Variants in HNF4A observed in about 807,000 individuals in gnomAD.
The protein encoded by HNF4A is hepatocyte nuclear factor 4-alpha.
In HNF4A, 15 loss-of-function variants were observed where a neutral mutation model predicts 52.4. That is an observed-to-expected ratio of 0.29 (90% CI 0.19 to 0.44). The LOEUF (loss-of-function observed/expected upper bound fraction) is 0.44. Ranked by LOEUF, HNF4A falls within the 20% of genes least tolerant of loss-of-function variation. The pLI, the probability that HNF4A is intolerant of heterozygous loss-of-function variation, is 1.00. For synonymous variants in HNF4A, 280 were observed against 264.4 expected (o/e 1.06, Z -0.57); for missense variants, 479 against 647.2 (o/e 0.74, Z 2.82).
chr20:44,373,991 TAATTAAACTTTTATTTTA>T (rs2063059766), intron 1 of HNF4A, among the ~76,000 whole-genome samples: 1 of 152,074 alleles, frequency 6.6e-6, no homozygotes. Context: ...CACCAGGCCT[TAATTAAACTTTTATTTTA>T]GATTCAGGGG....
At chr20:44,388,381 A>ACCCCCCCCCACC (rs1227407354) in intron 1 of HNF4A, among the ~76,000 whole-genome samples, 1 of 76,224 alleles carries the variant, frequency 1.3e-5, no homozygotes, top group African/African-American at 9.6e-5. Context: ...GACCCCCCCC[A>ACCCCCCCCCACC]CCCCCGTACA....
chr20:44,415,703 G>A (rs776419427), intron 5 of HNF4A, among the ~76,000 whole-genome samples: 6 of 152,330 alleles, frequency 3.9e-5, no homozygotes, highest in South Asian at 2.1e-4. Context: ...TGCAGAGGCC[G>A]AGGCTTCTCA....
intron 1 of HNF4A, among the ~76,000 whole-genome samples, chr20:44,376,535 A>G (rs1011056020): frequency 1.3e-5 from 2 of 152,128 alleles, no homozygotes; most frequent in Non-Finnish European, 2.9e-5. Context: ...ATCTTACTAC[A>G]TGACCATGTT....
At chr20:44,369,071 C>A (rs2063002863) in intron 1 of HNF4A, among the ~76,000 whole-genome samples, 1 of 121,328 alleles carries the variant, frequency 8.2e-6, no homozygotes, top group South Asian at 2.5e-4. Context: ...CATGGTGAAA[C>A]CCTGTCTCTA....
At chr20:44,379,219 G>C (rs6017334) in intron 1 of HNF4A, among the ~76,000 whole-genome samples, 1,824 of 152,220 alleles carry the variant, frequency 0.012, 36 homozygotes, top group African/African-American at 0.041. Flanking sequence ...TGGGTTGCCT[G>C]TACCTTTTGG....
chr20:44,401,235 C>T, upstream of HNF4A: 1 of 1,542,802 alleles, frequency 6.5e-7, no homozygotes, highest in Non-Finnish European at 8.7e-7. Context: ...CCAAGACTCC[C>T]AGCAGATCTT....
intron 1 of HNF4A, among the ~76,000 whole-genome samples, chr20:44,382,473 G>A (rs1035322639): frequency 1.3e-5 from 2 of 152,016 alleles, no homozygotes; most frequent in Admixed American, 6.6e-5. Flanking sequence ...TCTTGACCTC[G>A]TGATCCGCCC....
chr20:44,428,550 G>A, intron 9 of HNF4A, 63 bp downstream of exon 9: 1 of 1,500,330 alleles, frequency 6.7e-7, no homozygotes, highest in East Asian at 2.3e-5. Flanking sequence ...CAGGAGGCAG[G>A]AGAAAGTGGA....
At chr20:44,424,986 T>C (rs1014643195) in intron 8 of HNF4A, among the ~76,000 whole-genome samples, 1 of 152,198 alleles carries the variant, frequency 6.6e-6, no homozygotes, top group Non-Finnish European at 1.5e-5. Context: ...CCAGACTAAG[T>C]ATTTTTATTC....
chr20:44,416,643 G>A lies in HNF4A; in HGVS notation c.649-1782G>A, dbSNP rs180750923. 8.5e-5 allele frequency among the ~76,000 whole-genome samples: 13 copies of A among 152,354 alleles called. No individual in the cohort carries two copies. In the East Asian group the frequency reaches 2.3e-3, roughly 27 times the overall value. ...GTTTCTATCCATGGGGAATAGAAGG[G>A]GCAAGGACAAGTGGCTGCCCAGGAG... On this transcript the variant is annotated intron_variant, in intron 5 of 9. Coordinates refer to ENST00000316099, the MANE Select transcript of HNF4A (RefSeq NM_000457.6).
chr20:44,417,025 G>A (rs899727804), intron 5 of HNF4A, among the ~76,000 whole-genome samples: 8 of 152,152 alleles, frequency 5.3e-5, no homozygotes, highest in Middle Eastern at 6.8e-3. Flanking sequence ...ATGTTAGTTC[G>A]ATGAGATTAG....
Position 44,367,400 on chromosome 20 carries a change from C to CT in HNF4A, c.49+11550dup, listed in dbSNP as rs572650401. 3.3e-5 allele frequency among the ~76,000 whole-genome samples: 5 copies of CT among 151,304 alleles called. No individual in the cohort carries two copies. In the South Asian group the frequency reaches 1.0e-3, roughly 32 times the overall value. On this transcript the variant is annotated intron_variant, in intron 1 of 9. Coordinates refer to the HNF4A transcript ENST00000316673. ...GTGGCTAACACCTGTAATCCCAGCA[C>CT]TTTGAGAGGCCGAGGCAGACAGATC...
chr20:44,416,857 A>G (rs2063672632), intron 5 of HNF4A, among the ~76,000 whole-genome samples: 1 of 151,966 alleles, frequency 6.6e-6, no homozygotes, highest in African/African-American at 2.4e-5. Context: ...TAACGTAGCC[A>G]TTCTTGCCCC....
At position 44,419,873 on chromosome 20, in the gene HNF4A, C is replaced by T; in HGVS notation, c.889C>T (p.Pro297Ser). The change falls in exon 7 of 10, where the codon CCA becomes TCA. Residue 297 changes from proline (P) to serine (S), a missense_variant. Physicochemically the swap from Pro to Ser is moderately conservative, Grantham distance 74. Coordinates refer to ENST00000316099, the MANE Select transcript of HNF4A (RefSeq NM_000457.6). ...CCTCAAAGCCATCATCTTCTTTGACCCAGGTACAGTGCACACCTCCTAAGC... is the reference window on the plus strand; with the variant it reads ...CCTCAAAGCCATCATCTTCTTTGACTCAGGTACAGTGCACACCTCCTAAGC... 3 of 1,614,012 alleles carry T rather than the reference C, an allele frequency of 1.9e-6. No individual in the cohort carries two copies. Among genetic ancestry groups the T allele is most frequent in the Non-Finnish European group, 2.5e-6 (3 of 1,179,912 alleles).
chr20:44,392,439 C>T (rs1380568170), intron 1 of HNF4A, among the ~76,000 whole-genome samples: 2 of 152,144 alleles, frequency 1.3e-5, no homozygotes, highest in African/African-American at 4.8e-5. Context: ...CGCCTGGCAC[C>T]TCCCCACCCC....
At chr20:44,361,135 A>G (rs553530489) in intron 1 of HNF4A, among the ~76,000 whole-genome samples, 2 of 151,668 alleles carry the variant, frequency 1.3e-5, no homozygotes, top group East Asian at 3.9e-4. Context: ...TTCCCATCCT[A>G]CGTCAATTCA....
intron 3 of HNF4A, among the ~76,000 whole-genome samples, chr20:44,410,065 G>A (rs1006254468): frequency 6.6e-6 from 1 of 152,194 alleles, no homozygotes; most frequent in Non-Finnish European, 1.5e-5. Flanking sequence ...TGGAACCCCT[G>A]ACCTCAGGTG....
chr20:44,421,118 G>T (rs993052313), intron 7 of HNF4A, among the ~76,000 whole-genome samples: 1 of 151,702 alleles, frequency 6.6e-6, no homozygotes, highest in Non-Finnish European at 1.5e-5. Flanking sequence ...CTATTTTTGA[G>T]TCTCTGTTGC....
intron 1 of HNF4A, among the ~76,000 whole-genome samples, chr20:44,379,105 T>A (rs62206819): frequency 0.075 from 11,349 of 152,198 alleles, 514 homozygotes; most frequent in South Asian, 0.2. Context: ...GATCCATCCA[T>A]GTTGTAGCAT....
Sources: gnomAD v4.1 joint callset for allele counts (sites outside exome capture counted in the v4.1 genomes callset) on GRCh38, gnomAD v4.1.1 for gene constraint, MANE v1.5 for transcripts, NCBI Gene and HGNC (gene_info 2026-07-23, HGNC 2026-07-21) for gene names.